Variants in CHST3 observed in about 807,000 individuals in gnomAD.
CHST3 encodes the protein C6ST-1.
CHST3 carries 20 observed loss-of-function variants against 35.4 expected under a neutral mutation model. That is an observed-to-expected ratio of 0.57 (90% CI 0.40 to 0.82). The LOEUF is 0.82. Among genes scored for constraint, CHST3 ranks in the 40% least tolerant of loss-of-function variants. The pLI is 0.00. For missense variants in CHST3, 693 were observed against 670.1 expected, an observed-to-expected ratio of 1.03 and a Z score of -0.38; for synonymous variants, 334 against 295.9, an observed-to-expected ratio of 1.13 and a Z score of -1.32.
chr10:71,996,950 T>C (rs1007655033), intron 1 of CHST3, among the ~76,000 whole-genome samples: 7 of 152,126 alleles, frequency 4.6e-5, no homozygotes, highest in Non-Finnish European at 1.0e-4. Context: ...TGAGACAGGG[T>C]CTCACTATGT....
Position 72,011,830 on chromosome 10 carries a change from T to C in CHST3, c.*3359T>C, listed in dbSNP as rs1840113358. The stretch of plus-strand genomic sequence containing the variant: ...GTTCCCATCTTCCCCTCGGGACCTG[T>C]TTATAAATTGAGGAATGGATGAGGG... On this transcript the variant is annotated 3_prime_UTR_variant, in exon 3 of 3. Coordinates refer to ENST00000373115, the MANE Select transcript of CHST3 (RefSeq NM_004273.5). The C allele has an allele frequency of 6.6e-6, 1 of 152,118 alleles. No individual in the cohort carries two copies. Among genetic ancestry groups the C allele is most frequent in the Admixed American group, 6.6e-5 (1 of 15,256 alleles). 9.4% of individuals were successfully genotyped at this position (152,118 alleles called of 1,614,324 possible).
intron 1 of CHST3, among the ~76,000 whole-genome samples, chr10:71,983,784 A>C (rs1839822363): frequency 6.6e-6 from 1 of 152,082 alleles, no homozygotes; most frequent in South Asian, 2.1e-4. Context: ...TAAAAGTATG[A>C]AATACAAACA....
intron 1 of CHST3, among the ~76,000 whole-genome samples, chr10:71,973,000 G>A (rs866048809): frequency 1.3e-5 from 2 of 152,248 alleles, no homozygotes; most frequent in Admixed American, 6.5e-5. Context: ...GTCCATCCTT[G>A]TAGCCCCCGA....
At chr10:71,973,497 G>A (rs577401570) in intron 1 of CHST3, among the ~76,000 whole-genome samples, 9 of 152,328 alleles carry the variant, frequency 5.9e-5, no homozygotes, top group Admixed American at 3.3e-4. Flanking sequence ...CCTACTGGCC[G>A]GCTGCCTCCC....
intron 1 of CHST3, among the ~76,000 whole-genome samples, chr10:71,997,407 G>A (rs1024188530): frequency 7.2e-5 from 11 of 152,074 alleles, no homozygotes; most frequent in East Asian, 5.8e-4. Flanking sequence ...CAAACATCTC[G>A]TGGGTGTCAC....
intron 2 of CHST3, 56 bp from the exon 3 acceptor site, chr10:72,007,116 C>A (rs1840045884): frequency 6.3e-6 from 10 of 1,590,748 alleles, no homozygotes; most frequent in Non-Finnish European, 8.6e-6. Flanking sequence ...CTTAGGGTTG[C>A]CCAGGAGACG....
In CHST3 at chr10:72,000,880, G is replaced by A. The variant is rs557647550; in HGVS notation, c.-107-4856G>A. The stretch of plus-strand genomic sequence containing the variant: ...AGGGAAGCAGGAGGGGGTGTGGGGA[G>A]GCCAGCAGGGGTGTGGGCCTCAGCG... On this transcript the variant is annotated intron_variant, in intron 1 of 2. Coordinates refer to ENST00000373115, the MANE Select transcript of CHST3 (RefSeq NM_004273.5). Among the ~76,000 whole-genome samples the A allele has an allele frequency of 3.3e-5, 5 of 152,210 alleles. No homozygotes were observed. In the East Asian group the frequency reaches 9.7e-4, roughly 29 times the overall value.
intron 1 of CHST3, among the ~76,000 whole-genome samples, chr10:71,966,092 C>T (rs117518915): frequency 0.024 from 3,686 of 152,160 alleles, 58 homozygotes; most frequent in Non-Finnish European, 0.036. Context: ...ATCAACCCTC[C>T]CATCTCCTGG....
Position 72,008,335 on chromosome 10 carries a change from A to C in CHST3, c.1304A>C (p.Lys435Thr). 1.3e-6 allele frequency: 2 copies of C among 1,573,484 alleles called. No homozygotes were observed. The highest frequency in any genetic ancestry group is 3.7e-5 in the Admixed American group (2 of 54,058). The change falls in exon 3 of 3, where the codon AAG (lysine) becomes ACG (threonine). Residue 435 changes from lysine (K) to threonine (T), a missense_variant. Coordinates refer to ENST00000373115, the MANE Select transcript of CHST3 (RefSeq NM_004273.5). ...AAGTGGCGCTTCAGCATGCCCTTCA[A>C]GCTGGCCCAGGTGGTGCAGGCCGCC... ...FEKWRFSMPF[K>T]LAQVVQAACG...
chr10:71,991,408 T>C (rs921974290), intron 1 of CHST3, among the ~76,000 whole-genome samples: 3 of 152,224 alleles, frequency 2.0e-5, no homozygotes, highest in African/African-American at 7.2e-5. Context: ...CTTTTTCTGC[T>C]GAAATATTCA....
chr10:72,007,758 G>A lies in CHST3; in HGVS notation c.727G>A (p.Glu243Lys), dbSNP rs1840058661. 1 of 1,601,830 alleles carries A rather than the reference G, an allele frequency of 6.2e-7. No individual in the cohort carries two copies. The highest frequency in any genetic ancestry group is 8.5e-7 in the Non-Finnish European group (1 of 1,179,692). The change falls in exon 3 of 3, where the codon GAG becomes AAG. Residue 243 changes from glutamate (E) to lysine (K), a missense_variant. By Grantham distance (56) the Glu-to-Lys change is moderately conservative. Transcript: ENST00000373115. ...TACGCCCTTCGTCAAGAAGGTCTTC[G>A]AGAAGTACCACTGCAAGAACCGCCG... ...VCTPFVKKVF[E>K]KYHCKNRRCG...
chr10:71,992,605 G>A (rs564110665), intron 1 of CHST3, among the ~76,000 whole-genome samples: 9 of 151,320 alleles, frequency 5.9e-5, no homozygotes, highest in South Asian at 4.2e-4. Flanking sequence ...CAAAATTAGA[G>A]TCAATTCTTT....
chr10:72,000,432 TG>T (rs1839981925), intron 1 of CHST3, among the ~76,000 whole-genome samples: 1 of 151,844 alleles, frequency 6.6e-6, no homozygotes, highest in African/African-American at 2.4e-5. Flanking sequence ...GGGAAAGTGA[TG>T]GGGGTGGCCC....
chr10:72,000,609 G>A (rs1413309599), intron 1 of CHST3, among the ~76,000 whole-genome samples: 2 of 152,154 alleles, frequency 1.3e-5, no homozygotes, highest in Admixed American at 6.5e-5. Flanking sequence ...GGGTGGGGGT[G>A]TTGGGAGAAG....
chr10:72,010,704 A>G lies in CHST3; in HGVS notation c.*2233A>G, dbSNP rs1840101119. 6.6e-6 allele frequency: 1 copy of G among 152,274 alleles called. No homozygotes were observed. Among genetic ancestry groups the G allele is most frequent in the African/African-American group, 2.4e-5 (1 of 41,468 alleles). 9.4% of individuals were successfully genotyped at this position (152,274 alleles called of 1,614,324 possible). ...GTTCTAATTTGGAGTTCAAAGGAAC[A>G]CCAGCTCTGAAAACATGACCGTGGG... On this transcript the variant is annotated 3_prime_UTR_variant, in exon 3 of 3. Coordinates refer to ENST00000373115, the MANE Select transcript of CHST3 (RefSeq NM_004273.5).
intron 1 of CHST3, among the ~76,000 whole-genome samples, chr10:71,985,443 T>TC (rs1275566950): frequency 6.6e-6 from 1 of 152,116 alleles, no homozygotes; most frequent in East Asian, 1.9e-4. Context: ...CCTCAGAAAG[T>TC]CCCCACGCTT....
At chr10:71,971,070 G>A (rs1839690126) in intron 1 of CHST3, among the ~76,000 whole-genome samples, 3 of 152,144 alleles carry the variant, frequency 2.0e-5, no homozygotes, top group Admixed American at 2.0e-4. Context: ...TTTACTTAGT[G>A]ACCAACTTTA....
intron 1 of CHST3, among the ~76,000 whole-genome samples, chr10:71,984,360 G>A (rs10400065): frequency 0.48 from 73,036 of 152,102 alleles, 18,796 homozygotes; most frequent in Non-Finnish European, 0.58. Context: ...GCCGCCCCAC[G>A]CTGTGGAGCG....
At chr10:71,970,261 C>T (rs1410214416) in intron 1 of CHST3, among the ~76,000 whole-genome samples, 1 of 152,196 alleles carries the variant, frequency 6.6e-6, no homozygotes, top group African/African-American at 2.4e-5. Context: ...CACCCCCCAC[C>T]ACCTCCTCAC....
Sources: gnomAD v4.1 joint callset for allele counts (sites outside exome capture counted in the v4.1 genomes callset) on GRCh38, gnomAD v4.1.1 for gene constraint, MANE v1.5 for transcripts, NCBI Gene and HGNC (gene_info 2026-07-23, HGNC 2026-07-21) for gene names.